KIF6: variants seen among roughly 807,000 people sequenced by gnomAD.
The protein encoded by KIF6 is kinesin-like protein KIF6.
In KIF6, 106 loss-of-function variants were observed where a neutral mutation model predicts 112.7. The ratio of observed to expected loss-of-function variants is 0.94; its 90% CI spans 0.80 to 1.11. The LOEUF is 1.11. Ranked by LOEUF, KIF6 falls within the 50% of genes least tolerant of loss-of-function variation. KIF6 has a pLI of 0.00. For missense variants in KIF6, 929 were observed against 964.0 expected (o/e 0.96, Z 0.48); for synonymous variants, 339 against 339.9 (o/e 1.00, Z 0.03).
intron 15 of KIF6, among the ~76,000 whole-genome samples, chr6:39,392,171 CTTAT>C (rs1009267237): frequency 6.6e-6 from 1 of 151,828 alleles, no homozygotes; most frequent in African/African-American, 2.4e-5. Context: ...CTGTTTCTTA[CTTAT>C]TTATTAGTAC....
chr6:39,692,804 A>G (rs1433832669), intron 3 of KIF6, among the ~76,000 whole-genome samples: 4 of 152,182 alleles, frequency 2.6e-5, no homozygotes, highest in Non-Finnish European at 2.9e-5. Flanking sequence ...TTTGCAATAC[A>G]TGAGATGAAA....
chr6:39,339,989 G>T (rs1763234646), intron 22 of KIF6, among the ~76,000 whole-genome samples: 1 of 152,220 alleles, frequency 6.6e-6, no homozygotes, highest in African/African-American at 2.4e-5. Context: ...GCAGGGAGAG[G>T]GAGGTGTTTG....
At chr6:39,564,297 G>C (rs1328992271) in intron 10 of KIF6, among the ~76,000 whole-genome samples, 1 of 152,202 alleles carries the variant, frequency 6.6e-6, no homozygotes, top group Non-Finnish European at 1.5e-5. Context: ...GGCAAAAGTC[G>C]TAAGTATGCT....
At chr6:39,393,608 A>G (rs1768045809) in intron 15 of KIF6, among the ~76,000 whole-genome samples, 1 of 151,818 alleles carries the variant, frequency 6.6e-6, no homozygotes, top group Non-Finnish European at 1.5e-5. Flanking sequence ...ACCATTAAAA[A>G]CCTCTGTGTG....
chr6:39,621,654 G>C, intron 5 of KIF6, among the ~76,000 whole-genome samples: 1 of 152,182 alleles, frequency 6.6e-6, no homozygotes, highest in Admixed American at 6.6e-5. Flanking sequence ...GTGCTTAGTA[G>C]TGTATGTTGC....
At chr6:39,641,409 C>G (rs184756180) in intron 3 of KIF6, among the ~76,000 whole-genome samples, 1 of 151,960 alleles carries the variant, frequency 6.6e-6, no homozygotes, top group South Asian at 2.1e-4. Flanking sequence ...AAACTAAACA[C>G]CACATGTCCT....
rs547330689 is a variant in KIF6, at chr6:39,333,801, T to A, written c.*2731A>T. On this transcript the variant is annotated 3_prime_UTR_variant, in exon 23 of 23. Transcript: ENST00000287152. ...CTTGTCAAGGGATTGGTAGAGCCAG[T>A]TGAATTCTAGCAGGGACTGGGCTGG... 17 of 152,336 alleles carry A rather than the reference T, an allele frequency of 1.1e-4. No homozygotes were observed. In the East Asian group the frequency reaches 3.1e-3, roughly 28 times the overall value. 9.4% of individuals were successfully genotyped at this position (152,336 alleles called of 1,614,324 possible).
intron 7 of KIF6, among the ~76,000 whole-genome samples, chr6:39,588,538 A>G (rs1781760485): frequency 1.3e-5 from 2 of 152,078 alleles, no homozygotes; most frequent in African/African-American, 4.8e-5. Context: ...AAATGCATTT[A>G]TATCCTGATG....
intron 3 of KIF6, among the ~76,000 whole-genome samples, chr6:39,644,790 T>G (rs1785083836): frequency 6.6e-6 from 1 of 152,180 alleles, no homozygotes. Context: ...AATTGCATGC[T>G]TTAAAGAGTA....
intron 3 of KIF6, among the ~76,000 whole-genome samples, chr6:39,683,549 T>C (rs1456100854): frequency 1.3e-5 from 2 of 152,140 alleles, no homozygotes; most frequent in African/African-American, 2.4e-5. Context: ...TCTGGAGTTC[T>C]GGGGAGAGAT....
intron 3 of KIF6, among the ~76,000 whole-genome samples, chr6:39,679,825 G>C (rs1314162639): frequency 6.6e-6 from 1 of 151,340 alleles, no homozygotes; most frequent in African/African-American, 2.4e-5. Flanking sequence ...CACCGTGTTA[G>C]CCAGGATGGT....
intron 2 of KIF6, among the ~76,000 whole-genome samples, chr6:39,717,266 C>G (rs966220919): frequency 6.6e-6 from 1 of 152,144 alleles, no homozygotes; most frequent in African/African-American, 2.4e-5. Context: ...CATGCTTACT[C>G]TACTCCTCAT....
At chr6:39,592,019 G>C (rs746157025) in intron 7 of KIF6, among the ~76,000 whole-genome samples, 9 of 152,186 alleles carry the variant, frequency 5.9e-5, no homozygotes, top group Non-Finnish European at 1.2e-4. Flanking sequence ...GGCTGAGGCA[G>C]GAGAATGGCA....
chr6:39,532,742 C>T (rs1778146087), intron 13 of KIF6, among the ~76,000 whole-genome samples: 1 of 152,206 alleles, frequency 6.6e-6, no homozygotes, highest in South Asian at 2.1e-4. Flanking sequence ...TATTTCCAGG[C>T]TGAATCCTTC....
chr6:39,421,087 C>A (rs766892079), intron 14 of KIF6, among the ~76,000 whole-genome samples: 4 of 152,146 alleles, frequency 2.6e-5, no homozygotes, highest in Non-Finnish European at 4.4e-5. Flanking sequence ...GTTAAAGAGA[C>A]AATTGAAAGC....
intron 13 of KIF6, among the ~76,000 whole-genome samples, chr6:39,529,601 A>C (rs1391075757): frequency 6.6e-6 from 1 of 152,168 alleles, no homozygotes; most frequent in African/African-American, 2.4e-5. Flanking sequence ...TCTGGTTAAC[A>C]CAGTGAAACC....
chr6:39,710,562 T>C (rs1789489187), intron 3 of KIF6, among the ~76,000 whole-genome samples: 1 of 151,592 alleles, frequency 6.6e-6, no homozygotes, highest in Non-Finnish European at 1.5e-5. Flanking sequence ...CTTTTTCATT[T>C]CCTAGAAATG....
chr6:39,520,821 C>T (rs1777353599), intron 13 of KIF6, among the ~76,000 whole-genome samples: 1 of 152,174 alleles, frequency 6.6e-6, no homozygotes, highest in African/African-American at 2.4e-5. Context: ...TTTCCCCTCA[C>T]ACACATATAC....
intron 3 of KIF6, among the ~76,000 whole-genome samples, chr6:39,697,358 G>C (rs1788604115): frequency 6.6e-6 from 1 of 152,092 alleles, no homozygotes; most frequent in Non-Finnish European, 1.5e-5. Context: ...AAGGGTCGTG[G>C]TTCATAAGCC....
Sources: allele counts gnomAD v4.1 joint callset (sites outside exome capture counted in the v4.1 genomes callset), GRCh38; gene constraint gnomAD v4.1.1; transcripts MANE v1.5; gene names NCBI Gene and HGNC (gene_info 2026-07-23, HGNC 2026-07-21).